The following PRSS23 variants were observed in gnomAD, a reference collection of about 807,000 sequenced individuals.
The protein encoded by PRSS23 is protease, serine 23.
A neutral mutation model predicts 34.7 loss-of-function variants in PRSS23; 25 were observed. That is an observed-to-expected ratio of 0.72 (90% CI 0.53 to 1.01). The LOEUF (loss-of-function observed/expected upper bound fraction) is 1.01, where lower values mean the gene tolerates loss of function less well. Ranked by LOEUF, PRSS23 falls within the 50% of genes least tolerant of loss-of-function variation. The probability of loss-of-function intolerance (pLI) is 0.00; values close to 1 mark genes in which losing one functional copy is unlikely to be tolerated. For missense variants in PRSS23, 445 were observed against 475.6 expected (o/e 0.94, Z 0.60); for synonymous variants, 176 against 186.6 (o/e 0.94, Z 0.46).
At chr11:86,917,197 T>A (rs1949019021) in intron 2 of PRSS23, among the ~76,000 whole-genome samples, 1 of 152,152 alleles carries the variant, frequency 6.6e-6, no homozygotes, top group Non-Finnish European at 1.5e-5. Context: ...CACAAGCCTG[T>A]AATCCCAGCT....
At chr11:86,827,040 A>G (rs570899748) in intron 2 of PRSS23, among the ~76,000 whole-genome samples, 3 of 151,968 alleles carry the variant, frequency 2.0e-5, no homozygotes, top group Non-Finnish European at 2.9e-5. Flanking sequence ...CTCTTTTTCT[A>G]TTGATTGGAA....
chr11:86,928,691 A>ATATATATATATAT (rs1565389096), intron 2 of PRSS23, among the ~76,000 whole-genome samples: 1 of 27,510 alleles, frequency 3.6e-5, no homozygotes, highest in Non-Finnish European at 1.1e-4. Flanking sequence ...AAAAAAAAAA[A>ATATATATATATAT]AAAAAAAAAA....
chr11:86,854,573 C>T (rs1163617607), intron 2 of PRSS23, among the ~76,000 whole-genome samples: 1 of 152,278 alleles, frequency 6.6e-6, no homozygotes, highest in African/African-American at 2.4e-5. Context: ...TGTCTTATCC[C>T]AGAAAGCATT....
chr11:86,838,537 G>T (rs1393698876), intron 2 of PRSS23, among the ~76,000 whole-genome samples: 1 of 152,180 alleles, frequency 6.6e-6, no homozygotes, highest in East Asian at 1.9e-4. Flanking sequence ...TCACTTCTGG[G>T]GGCAGGGCAT....
chr11:86,818,978 G>A (rs569600372), intron 1 of PRSS23, among the ~76,000 whole-genome samples: 77 of 152,292 alleles, frequency 5.1e-4, no homozygotes, highest in African/African-American at 1.7e-3. Flanking sequence ...CTGGAGTGGT[G>A]CCAGGTAATC....
intron 1 of PRSS23, among the ~76,000 whole-genome samples, chr11:86,817,153 T>A (rs78772824): frequency 0.01 from 1,537 of 152,312 alleles, 30 homozygotes; most frequent in African/African-American, 0.035. Flanking sequence ...TGATTTTTTT[T>A]ATTGCCTTCT....
At chr11:86,909,054 T>A (rs1948961590) in intron 2 of PRSS23, 1 of 152,018 alleles carries the variant, frequency 6.6e-6, no homozygotes, top group African/African-American at 2.4e-5. Context: ...GGGGATAAGA[T>A]TTAAGTTAAG....
At chr11:86,924,547 G>A (rs1428296417) in intron 2 of PRSS23, among the ~76,000 whole-genome samples, 1 of 152,206 alleles carries the variant, frequency 6.6e-6, no homozygotes, top group South Asian at 2.1e-4. Flanking sequence ...GGACTTGAAG[G>A]CTCTTGGACC....
At chr11:86,935,372 ATGCATCATAAGAGAAAAGTGCTG>A (rs1949154461) in intron 2 of PRSS23, 1 of 149,800 alleles carries the variant, frequency 6.7e-6, no homozygotes, top group East Asian at 2.0e-4. Context: ...GCGGGAAAAG[ATGCATCATAAGAGAAAAGTGCTG>A]TGGACGGCAA....
intron 2 of PRSS23, among the ~76,000 whole-genome samples, chr11:86,913,306 A>G (rs903193596): frequency 3.4e-5 from 5 of 148,138 alleles, no homozygotes; most frequent in African/African-American, 7.5e-5. Flanking sequence ...TTAAAAATGC[A>G]TATTTCACAC....
intron 2 of PRSS23, among the ~76,000 whole-genome samples, chr11:86,879,688 C>T (rs1419122828): frequency 7.2e-6 from 1 of 138,346 alleles, no homozygotes; most frequent in Non-Finnish European, 1.6e-5. Context: ...GGGTCAGCCC[C>T]CCACCCGGCC....
intron 2 of PRSS23, among the ~76,000 whole-genome samples, chr11:86,848,109 C>T (rs1590892384): frequency 6.6e-6 from 1 of 152,156 alleles, no homozygotes; most frequent in Non-Finnish European, 1.5e-5. Flanking sequence ...ATGCATGCCC[C>T]CTTCTCACTC....
At chr11:86,828,398 G>C (rs1403402556) in intron 2 of PRSS23, among the ~76,000 whole-genome samples, 1 of 152,158 alleles carries the variant, frequency 6.6e-6, no homozygotes, top group Admixed American at 6.5e-5. Context: ...CTCTGCACAT[G>C]AGATGGGTTT....
chr11:86,841,339 C>CAAAAAAA (rs58223921), intron 2 of PRSS23, among the ~76,000 whole-genome samples: 1 of 103,682 alleles, frequency 9.6e-6, no homozygotes, highest in Non-Finnish European at 1.9e-5. Flanking sequence ...AACTCCATCT[C>CAAAAAAA]AAAAAAAAAA....
At chr11:86,850,104 C>T (rs905114190) in intron 2 of PRSS23, among the ~76,000 whole-genome samples, 2 of 152,174 alleles carry the variant, frequency 1.3e-5, no homozygotes, top group African/African-American at 4.8e-5. Flanking sequence ...TTTCTAGGCC[C>T]TGTGACAGCC....
At chr11:86,879,382 C>A (rs1006371690) in intron 2 of PRSS23, among the ~76,000 whole-genome samples, 4 of 151,808 alleles carry the variant, frequency 2.6e-5, no homozygotes, top group African/African-American at 4.8e-5. Context: ...AGCCCCTCCG[C>A]CCGGCAGCCA....
intron 2 of PRSS23, among the ~76,000 whole-genome samples, chr11:86,886,908 C>A (rs1948806263): frequency 6.6e-6 from 1 of 152,050 alleles, no homozygotes; most frequent in East Asian, 1.9e-4. Flanking sequence ...CGCCACTGCC[C>A]TCCAGCATGG....
At chr11:86,917,473 GTTTCCT>G (rs1794767291) in intron 2 of PRSS23, among the ~76,000 whole-genome samples, 1 of 152,200 alleles carries the variant, frequency 6.6e-6, no homozygotes, top group Non-Finnish European at 1.5e-5. Flanking sequence ...CTGATTTTCA[GTTTCCT>G]TGTCCACAAA....
chr11:86,916,414 A>T lies in PRSS23; in HGVS notation c.207-34802A>T, dbSNP rs1025647333. Among the ~76,000 whole-genome samples, 21 of 152,138 alleles carry T rather than the reference A, an allele frequency of 1.4e-4. 1 individual carries two copies. The highest frequency in any genetic ancestry group is 1.2e-3 in the Admixed American group (18 of 15,286). ...GTTCCCCAAATCCACCTCTGGCTTT[A>T]CCCCTGGGAAAATGGCAACAATCCA... On this transcript the variant is annotated intron_variant, in intron 2 of 2. Coordinates refer to the PRSS23 transcript ENST00000533902.
Sources: gnomAD v4.1 joint callset for allele counts (sites outside exome capture counted in the v4.1 genomes callset) on GRCh38, gnomAD v4.1.1 for gene constraint, MANE v1.5 for transcripts, NCBI Gene and HGNC (gene_info 2026-07-23, HGNC 2026-07-21) for gene names.